The following RARB variants were observed in gnomAD, a reference collection of about 807,000 sequenced individuals.
RARB encodes the protein HBV-activated protein.
RARB carries 17 observed loss-of-function variants against 51.9 expected under a neutral mutation model. That is an observed-to-expected ratio of 0.33 (90% confidence interval 0.22 to 0.49). The LOEUF (loss-of-function observed/expected upper bound fraction) is 0.49. Among genes scored for constraint, RARB ranks in the 20% least tolerant of loss-of-function variants. The pLI is 0.99. For synonymous variants in RARB, 215 were observed against 195.4 expected, an observed-to-expected ratio of 1.10 and a Z score of -0.84; for missense variants, 369 against 550.8, an observed-to-expected ratio of 0.67 and a Z score of 3.30.
chr3:25,552,530 C>G (rs56885859), intron 3 of RARB, among the ~76,000 whole-genome samples: 3,377 of 152,106 alleles, frequency 0.022, 112 homozygotes, highest in African/African-American at 0.077. Context: ...TGCCTGCATT[C>G]CAGATATTTC....
intron 5 of RARB, among the ~76,000 whole-genome samples, chr3:25,328,327 C>T (rs1227240929): frequency 6.6e-6 from 1 of 152,208 alleles, no homozygotes; most frequent in Non-Finnish European, 1.5e-5. Context: ...CAAAACAAGC[C>T]TGCCCAACAG....
intron 3 of RARB, among the ~76,000 whole-genome samples, chr3:25,112,225 C>T (rs1438898628): frequency 1.3e-5 from 2 of 152,006 alleles, no homozygotes; most frequent in African/African-American, 4.8e-5. Context: ...AGAATTTGGC[C>T]ATCCTTTCAG....
At chr3:25,467,633 T>A (rs1261870254) in intron 2 of RARB, among the ~76,000 whole-genome samples, 1 of 152,224 alleles carries the variant, frequency 6.6e-6, no homozygotes, top group Non-Finnish European at 1.5e-5. Flanking sequence ...TTGGATTCTA[T>A]GGATGAAGAA....
chr3:25,087,885 A>G (rs1254413765), intron 3 of RARB, among the ~76,000 whole-genome samples: 3 of 151,774 alleles, frequency 2.0e-5, no homozygotes, highest in Non-Finnish European at 4.4e-5. Context: ...CCAAAAGTCA[A>G]TATTTTTTCT....
At chr3:25,509,571 A>G (rs1208185842) in intron 3 of RARB, among the ~76,000 whole-genome samples, 1 of 152,220 alleles carries the variant, frequency 6.6e-6, no homozygotes, top group East Asian at 1.9e-4. Context: ...TCTAAAATAA[A>G]TATCCACCTT....
intron 2 of RARB, among the ~76,000 whole-genome samples, chr3:24,996,263 C>T (rs1034177847): frequency 6.6e-6 from 1 of 151,962 alleles, no homozygotes; most frequent in East Asian, 1.9e-4. Context: ...TTATAGTAAT[C>T]TTGAATGATC....
chr3:25,267,221 AC>A (rs1703147855), intron 5 of RARB, among the ~76,000 whole-genome samples: 1 of 152,182 alleles, frequency 6.6e-6, no homozygotes, highest in African/African-American at 2.4e-5. Context: ...TTTACTAAGC[AC>A]CTTCATTTTA....
intron 5 of RARB, among the ~76,000 whole-genome samples, chr3:25,212,326 A>T (rs922496163): frequency 6.6e-6 from 1 of 152,210 alleles, no homozygotes; most frequent in African/African-American, 2.4e-5. Context: ...TTACATTAGA[A>T]AAAGTGTACT....
intron 2 of RARB, among the ~76,000 whole-genome samples, chr3:24,900,515 A>G (rs1703581221): frequency 6.6e-6 from 1 of 152,216 alleles, no homozygotes; most frequent in Non-Finnish European, 1.5e-5. Flanking sequence ...CTGTCAAGTA[A>G]GTAAGAACAA....
chr3:25,027,804 A>G (rs1215254018), intron 2 of RARB, among the ~76,000 whole-genome samples: 1 of 152,084 alleles, frequency 6.6e-6, no homozygotes, highest in African/African-American at 2.4e-5. Flanking sequence ...GCCCCAGAGG[A>G]GTTCTGCTTT....
At position 25,050,719 on chromosome 3, in the gene RARB, T is replaced by G. The variant is rs1698315929; in HGVS notation, c.-379-9406T>G. On this transcript the variant is annotated intron_variant, in intron 2 of 11. Coordinates refer to the RARB transcript ENST00000383772. ...CAATTATAGAAAAAGATTTAACTCT[T>G]TCATGTCACATTTGTGTGCTCATTC... Among the ~76,000 whole-genome samples, 3 of 152,210 alleles carry G rather than the reference T, an allele frequency of 2.0e-5. No homozygotes were observed. The South Asian group carries it at 6.2e-4, about 32-fold the overall frequency.
intron 4 of RARB, among the ~76,000 whole-genome samples, chr3:25,576,038 G>A (rs1345586438): frequency 6.6e-6 from 1 of 151,262 alleles, no homozygotes; most frequent in Non-Finnish European, 1.5e-5. Flanking sequence ...ACTGTGCTAA[G>A]TACCCACATT....
chr3:25,115,711 G>C, intron 3 of RARB, among the ~76,000 whole-genome samples: 1 of 149,860 alleles, frequency 6.7e-6, no homozygotes, highest in Non-Finnish European at 1.5e-5. Context: ...ACCCAGGCTG[G>C]AGTGCAGTGG....
intron 5 of RARB, among the ~76,000 whole-genome samples, chr3:25,177,742 C>T (rs2125355434): frequency 6.6e-6 from 1 of 152,324 alleles, no homozygotes; most frequent in Middle Eastern, 3.4e-3. Context: ...TATTGAACTT[C>T]TCTAAGCCTA....
chr3:25,079,972 C>G (rs1698959687), intron 3 of RARB, among the ~76,000 whole-genome samples: 1 of 152,224 alleles, frequency 6.6e-6, no homozygotes, highest in East Asian at 1.9e-4. Context: ...TGTCATTTGT[C>G]TGTTTTTAAG....
intron 1 of RARB, among the ~76,000 whole-genome samples, chr3:25,448,268 A>C (rs907430709): frequency 1.3e-5 from 2 of 152,120 alleles, no homozygotes; most frequent in African/African-American, 4.8e-5. Flanking sequence ...ACTGCTCTCA[A>C]TTGGAAGGTT....
intron 2 of RARB, among the ~76,000 whole-genome samples, chr3:24,995,275 C>CT (rs925796379): frequency 6.7e-6 from 1 of 149,792 alleles, no homozygotes; most frequent in Non-Finnish European, 1.5e-5. Flanking sequence ...TTTTTTATGT[C>CT]TTTTTTTCAG....
intron 2 of RARB, among the ~76,000 whole-genome samples, chr3:24,862,183 A>G (rs1159255737): frequency 3.3e-5 from 5 of 152,176 alleles, no homozygotes; most frequent in Admixed American, 3.3e-4. Context: ...GCTGACCCGC[A>G]TTTCCATCAG....
intron 3 of RARB, among the ~76,000 whole-genome samples, chr3:25,098,753 A>G (rs1051740123): frequency 6.6e-6 from 1 of 152,168 alleles, no homozygotes; most frequent in African/African-American, 2.4e-5. Flanking sequence ...GGTCCTTTAC[A>G]GAAGTAGTTT....
Sources: allele counts gnomAD v4.1 joint callset (sites outside exome capture counted in the v4.1 genomes callset), GRCh38; gene constraint gnomAD v4.1.1; transcripts MANE v1.5; gene names NCBI Gene and HGNC (gene_info 2026-07-23, HGNC 2026-07-21).